The following PTPRD variants were observed in gnomAD, a reference collection of about 807,000 sequenced individuals.
PTPRD encodes the protein protein tyrosine phosphatase receptor type D.
PTPRD carries 34 observed loss-of-function variants against 214.5 expected under a neutral mutation model. The observed-to-expected ratio is 0.16, with a 90% CI of 0.12 to 0.21. The LOEUF (loss-of-function observed/expected upper bound fraction) is 0.21. Among genes scored for constraint, PTPRD ranks in the 10% least tolerant of loss-of-function variants. PTPRD has a pLI of 1.00. For synonymous variants in PTPRD, 1,128 were observed against 845.7 expected, an observed-to-expected ratio of 1.33 and a Z score of -5.79; for missense variants, 2,545 against 2,398.7, an observed-to-expected ratio of 1.06 and a Z score of -1.27.
intron 3 of PTPRD, among the ~76,000 whole-genome samples, chr9:10,124,596 T>A (rs1247799558): frequency 6.6e-6 from 1 of 152,182 alleles, no homozygotes; most frequent in Non-Finnish European, 1.5e-5. Context: ...CATATATATG[T>A]CTCCTGCACT....
intron 9 of PTPRD, among the ~76,000 whole-genome samples, chr9:9,188,010 G>C (rs1040297785): frequency 2.0e-5 from 3 of 151,904 alleles, no homozygotes; most frequent in Non-Finnish European, 4.4e-5. Flanking sequence ...CACCACCCAC[G>C]TCAAGATATA....
intron 11 of PTPRD, among the ~76,000 whole-genome samples, chr9:9,016,966 C>T (rs903673738): frequency 4.6e-5 from 7 of 151,902 alleles, no homozygotes; most frequent in African/African-American, 9.7e-5. Flanking sequence ...AGTCAATGGG[C>T]GTTTTCTCTT....
At chr9:9,131,168 G>C (rs1430709194) in intron 10 of PTPRD, among the ~76,000 whole-genome samples, 1 of 152,050 alleles carries the variant, frequency 6.6e-6, no homozygotes, top group African/African-American at 2.4e-5. Flanking sequence ...CAAAAATACT[G>C]GTGCTTTTGA....
At chr9:8,437,330 G>A (rs910738407) in intron 34 of PTPRD, 3 of 1,069,534 alleles carry the variant, frequency 2.8e-6, no homozygotes, top group African/African-American at 3.2e-5. Flanking sequence ...TTTTTAAAAG[G>A]ACTAATTAAA....
chr9:10,220,556 A>G (rs1594600376), intron 3 of PTPRD, among the ~76,000 whole-genome samples: 1 of 151,952 alleles, frequency 6.6e-6, no homozygotes, highest in African/African-American at 2.4e-5. Flanking sequence ...CTGTCATTAC[A>G]AATTTAAAAA....
intron 4 of PTPRD, among the ~76,000 whole-genome samples, chr9:9,971,907 C>G (rs1389411449): frequency 1.3e-5 from 2 of 152,104 alleles, no homozygotes; most frequent in Non-Finnish European, 2.9e-5. Context: ...GAATAAAACT[C>G]TCTTTGGAAA....
At chr9:8,379,368 C>CT (rs977442681) in intron 37 of PTPRD, among the ~76,000 whole-genome samples, 1 of 151,984 alleles carries the variant, frequency 6.6e-6, no homozygotes, top group Admixed American at 6.6e-5. Flanking sequence ...ATCTCATTCT[C>CT]TGAGTAGCCT....
chr9:8,900,778 G>A (rs2098662164), intron 11 of PTPRD, among the ~76,000 whole-genome samples: 1 of 152,146 alleles, frequency 6.6e-6, no homozygotes, highest in Admixed American at 6.5e-5. Flanking sequence ...GGGGGAAAAT[G>A]GTCCCAAAGA....
intron 5 of PTPRD, among the ~76,000 whole-genome samples, chr9:9,848,253 C>A (rs1242529705): frequency 1.3e-5 from 2 of 152,092 alleles, no homozygotes; most frequent in African/African-American, 4.8e-5. Flanking sequence ...AGTACTGCTT[C>A]TGTTATGTTC....
intron 10 of PTPRD, among the ~76,000 whole-genome samples, chr9:9,109,355 G>A (rs2154447919): frequency 6.6e-6 from 1 of 152,246 alleles, no homozygotes; most frequent in African/African-American, 2.4e-5. Context: ...CATGAAGAGA[G>A]GCTATGGTGT....
chr9:9,755,075 T>G (rs922627589), intron 6 of PTPRD, among the ~76,000 whole-genome samples: 3 of 151,946 alleles, frequency 2.0e-5, no homozygotes, highest in Non-Finnish European at 4.4e-5. Context: ...TAAGAAATTT[T>G]GGGGAGATAT....
chr9:8,444,253 T>C (rs1219802727), intron 34 of PTPRD, among the ~76,000 whole-genome samples: 2 of 152,170 alleles, frequency 1.3e-5, no homozygotes, highest in Non-Finnish European at 2.9e-5. Flanking sequence ...TCTATAGAAC[T>C]GACTACCATC....
chr9:9,050,100 A>G (rs1301778624), intron 10 of PTPRD, among the ~76,000 whole-genome samples: 2 of 152,200 alleles, frequency 1.3e-5, no homozygotes, highest in African/African-American at 4.8e-5. Context: ...CATGCAATTT[A>G]TTGCCGCACG....
At chr9:9,856,310 G>C (rs543687193) in intron 5 of PTPRD, among the ~76,000 whole-genome samples, 14 of 152,224 alleles carry the variant, frequency 9.2e-5, no homozygotes, top group South Asian at 4.1e-4. Flanking sequence ...TTTACGAAAA[G>C]GCAACATTTG....
intron 10 of PTPRD, among the ~76,000 whole-genome samples, chr9:9,172,257 A>G (rs1270165810): frequency 1.3e-5 from 2 of 152,210 alleles, no homozygotes; most frequent in Non-Finnish European, 2.9e-5. Flanking sequence ...AAGGGAATGT[A>G]TAAGAATATA....
intron 8 of PTPRD, among the ~76,000 whole-genome samples, chr9:9,572,043 G>T (rs946682002): frequency 6.6e-6 from 1 of 150,988 alleles, no homozygotes; most frequent in Non-Finnish European, 1.5e-5. Context: ...TTTGATCATA[G>T]AAGGAAAATG....
At chr9:9,061,496 C>G (rs1388523845) in intron 10 of PTPRD, among the ~76,000 whole-genome samples, 2 of 152,060 alleles carry the variant, frequency 1.3e-5, no homozygotes, top group African/African-American at 4.8e-5. Context: ...CTGTAGCTGC[C>G]TTCCTCCTTT....
At chr9:9,719,053 T>C (rs976500324) in intron 7 of PTPRD, among the ~76,000 whole-genome samples, 3 of 152,166 alleles carry the variant, frequency 2.0e-5, no homozygotes, top group African/African-American at 7.2e-5. Context: ...ACTTCCTTGA[T>C]GTCTTATGGC....
chr9:8,579,501 C>T (rs1302999713), intron 14 of PTPRD, among the ~76,000 whole-genome samples: 1 of 152,158 alleles, frequency 6.6e-6, no homozygotes, highest in Non-Finnish European at 1.5e-5. Context: ...ATTTATTGAT[C>T]ACCTGCTCAT....
Sources: gnomAD v4.1 joint callset for allele counts (sites outside exome capture counted in the v4.1 genomes callset) on GRCh38, gnomAD v4.1.1 for gene constraint, MANE v1.5 for transcripts, NCBI Gene and HGNC (gene_info 2026-07-23, HGNC 2026-07-21) for gene names.